PCGF6: variants seen among roughly 807,000 people sequenced by gnomAD.
PCGF6 encodes polycomb group RING finger protein 6.
Under a neutral mutation model 45.5 loss-of-function variants are expected in PCGF6, and 24 were observed. The observed-to-expected ratio is 0.53, with a 90% CI of 0.38 to 0.74. PCGF6 has a LOEUF of 0.74. Ranked by LOEUF, PCGF6 falls within the 30% of genes least tolerant of loss-of-function variation. PCGF6 has a pLI of 0.00. For missense variants in PCGF6, 356 were observed against 443.2 expected (o/e 0.80, Z 1.77); for synonymous variants, 152 against 162.1 (o/e 0.94, Z 0.47).
rs2093318131 is a variant in PCGF6, at chr10:103,350,783, TCTTCTTCCTCCTCCA to T, written c.269_283del (p.Leu90_Glu95delinsGln). The T allele has an allele frequency of 6.4e-7, 1 of 1,562,068 alleles. No individual in the cohort carries two copies. On this transcript the variant is annotated inframe_deletion, in exon 1 of 10. Coordinates refer to ENST00000369847, the MANE Select transcript of PCGF6 (RefSeq NM_001011663.2). Reference sequence around the variant, plus strand: ...GTGACTCATGTCCTCCTCCTCCTCCTCTTCTTCCTCCTCCAGCTCCTCTTCTTCTTCCAACTCCTC... The same window carrying T: ...GTGACTCATGTCCTCCTCCTCCTCCTGCTCCTCTTCTTCTTCCAACTCCTC...
intron 7 of PCGF6, among the ~76,000 whole-genome samples, chr10:103,329,654 G>A (rs2093232626): frequency 6.7e-6 from 1 of 150,194 alleles, no homozygotes; most frequent in Non-Finnish European, 1.5e-5. Flanking sequence ...TGTTTTTTTA[G>A]TAGAGACAGG....
rs2133574579 is a variant in PCGF6, at chr10:103,326,566, T to C, written c.877A>G (p.Arg293Gly). Residue 293 changes from arginine to glycine, a missense_variant, in exon 8 of 10, where the codon AGA (arginine) becomes GGA (glycine). Coordinates refer to ENST00000369847, the MANE Select transcript of PCGF6 (RefSeq NM_001011663.2). ...ATIGHVEKFLRRKMGLDPACQ... is the reference protein window; with the variant it reads ...ATIGHVEKFLGRKMGLDPACQ... ...GCTGGATCAAGACCCATTTTTCTTCTGAGGAATTTTTCTACATGTCCAATA... is the reference window on the plus strand; with the variant it reads ...GCTGGATCAAGACCCATTTTTCTTCCGAGGAATTTTTCTACATGTCCAATA... 2 of 1,612,128 alleles carry C rather than the reference T, an allele frequency of 1.2e-6. No individual in the cohort carries two copies. Among genetic ancestry groups the C allele is most frequent in the Non-Finnish European group, 8.5e-7 (1 of 1,179,650 alleles).
chr10:103,311,847 G>A (rs746258633), intron 9 of PCGF6, among the ~76,000 whole-genome samples: 4 of 151,856 alleles, frequency 2.6e-5, no homozygotes, highest in Non-Finnish European at 4.4e-5. Context: ...CCAGCACTTT[G>A]GGAGGCTGAG....
rs1405037542 is a variant in PCGF6, at chr10:103,316,011, T to TAGAG, written c.910-1740_910-1739insCTCT. On this transcript the variant is annotated intron_variant, in intron 8 of 9. Coordinates refer to ENST00000369847, the MANE Select transcript of PCGF6 (RefSeq NM_001011663.2). Reference sequence around the variant, plus strand: ...GTGTGTGTGTATATATATATATATATATAGAGAGAGAGAGAGAGAGAGAGA... The same window carrying TAGAG: ...GTGTGTGTGTATATATATATATATATAGAGATAGAGAGAGAGAGAGAGAGAGAGA... 5.9e-3 allele frequency among the ~76,000 whole-genome samples: 767 copies of TAGAG among 129,792 alleles called. 2 individuals carry two copies. The highest frequency in any genetic ancestry group is 8.2e-3 in the Non-Finnish European group (511 of 62,546). The allele number at this position is 129,792 out of a possible 152,430, so 85.1% of individuals were successfully genotyped here. A position where few individuals can be genotyped will look rare whatever the true frequency, so the allele number is the denominator to read the frequency against.
intron 8 of PCGF6, among the ~76,000 whole-genome samples, chr10:103,318,181 G>A (rs1002872336): frequency 2.2e-4 from 33 of 147,482 alleles, no homozygotes; most frequent in Non-Finnish European, 4.2e-4. Flanking sequence ...GGTGGCTCAC[G>A]CCTGTAATCC....
chr10:103,347,330 C>T lies in PCGF6; in HGVS notation c.614-33G>A, dbSNP rs201188184. Reference sequence around the variant, plus strand: ...ATGATAAAACACAGACTAAATTACACTTAAAATGTAACTACTAGAGTCAGA... The same window carrying T: ...ATGATAAAACACAGACTAAATTACATTTAAAATGTAACTACTAGAGTCAGA... On this transcript the variant is annotated intron_variant, in intron 4 of 9. Transcript: ENST00000369847. The T allele has an allele frequency of 8.0e-5, 128 of 1,590,434 alleles. No homozygotes were observed. In the African/African-American group the frequency reaches 1.6e-3, roughly 20 times the overall value.
chr10:103,349,053 C>A, intron 1 of PCGF6, 54 bp from the exon 2 acceptor site: 5 of 1,176,800 alleles, frequency 4.2e-6, no homozygotes, highest in Non-Finnish European at 4.7e-6. Flanking sequence ...TTTACAAATT[C>A]TTTTTTTTTT....
At chr10:103,332,898 G>A (rs1390683117) in intron 7 of PCGF6, among the ~76,000 whole-genome samples, 4 of 151,998 alleles carry the variant, frequency 2.6e-5, no homozygotes, top group Admixed American at 6.6e-5. Flanking sequence ...GTGGGTCACC[G>A]GAGGTCAGGA....
Position 103,302,849 on chromosome 10 carries a change from A to C in PCGF6, c.*1056T>G, listed in dbSNP as rs2093124108. The C allele has an allele frequency of 6.6e-6, 1 of 152,182 alleles. No individual in the cohort carries two copies. Among genetic ancestry groups the C allele is most frequent in the Admixed American group, 6.5e-5 (1 of 15,272 alleles). 9.4% of individuals were successfully genotyped at this position (152,182 alleles called of 1,614,324 possible). On this transcript the variant is annotated 3_prime_UTR_variant, in exon 10 of 10. Coordinates refer to ENST00000369847, the MANE Select transcript of PCGF6 (RefSeq NM_001011663.2). The stretch of plus-strand genomic sequence containing the variant: ...TAGAATAAATTTATACACAATTCAC[A>C]AATTCTTTACAAAGAATTGCCAATC...
At chr10:103,333,117 TAAA>T (rs55722610) in intron 7 of PCGF6, among the ~76,000 whole-genome samples, 34 of 130,962 alleles carry the variant, frequency 2.6e-4, no homozygotes, top group Middle Eastern at 3.9e-3. Flanking sequence ...AGACTCCATT[TAAA>T]AAAAAAAAAA....
rs200037917 is a variant in PCGF6, at chr10:103,339,801, CAAA to C, written c.782+5220_782+5222del. ...AACAAAAGCGAAATTCTGTCTGTCTCAAAAAAAAAACACACACACACACACACA... is the reference window on the plus strand; with the variant it reads ...AACAAAAGCGAAATTCTGTCTGTCTCAAAAAAACACACACACACACACACA... On this transcript the variant is annotated intron_variant, in intron 6 of 9. Transcript: ENST00000369847. 5.6e-3 allele frequency among the ~76,000 whole-genome samples: 152 copies of C among 26,908 alleles called. 1 individual carries two copies. Among genetic ancestry groups the C allele is most frequent in the East Asian group, 0.037 (21 of 570 alleles). 17.7% of individuals were successfully genotyped at this position (26,908 alleles called of 152,430 possible). A position where few individuals can be genotyped will look rare whatever the true frequency, so the allele number is the denominator to read the frequency against.
At chr10:103,337,173 T>C (rs2093260186) in intron 6 of PCGF6, among the ~76,000 whole-genome samples, 1 of 152,144 alleles carries the variant, frequency 6.6e-6, no homozygotes, top group Non-Finnish European at 1.5e-5. Context: ...AACACAATAC[T>C]CTTGTTGGAC....
At chr10:103,329,652 T>A (rs1325962171) in intron 7 of PCGF6, among the ~76,000 whole-genome samples, 1 of 151,686 alleles carries the variant, frequency 6.6e-6, no homozygotes, top group Non-Finnish European at 1.5e-5. Context: ...TTTGTTTTTT[T>A]AGTAGAGACA....
intron 1 of PCGF6, among the ~76,000 whole-genome samples, 196 bp from the exon 2 acceptor site, chr10:103,349,195 G>A (rs1592080582): frequency 6.6e-6 from 1 of 151,634 alleles, no homozygotes; most frequent in East Asian, 1.9e-4. Context: ...TTACAGGCGC[G>A]CACAACCACG....
chr10:103,306,093 G>A (rs2093137347), intron 9 of PCGF6, among the ~76,000 whole-genome samples: 3 of 148,998 alleles, frequency 2.0e-5, no homozygotes. Flanking sequence ...GCATCCGCAA[G>A]CAATCCACCT....
chr10:103,324,703 T>C (rs1592063278), intron 8 of PCGF6, among the ~76,000 whole-genome samples: 1 of 124,496 alleles, frequency 8.0e-6, no homozygotes, highest in African/African-American at 3.2e-5. Flanking sequence ...GAGGTTGCAG[T>C]GAGCCGGGAC....
intron 6 of PCGF6, among the ~76,000 whole-genome samples, chr10:103,343,839 A>AAAAAAAAAAG (rs914319584): frequency 2.7e-5 from 4 of 150,030 alleles, no homozygotes; most frequent in African/African-American, 9.7e-5. Flanking sequence ...TCTCAAAAAA[A>AAAAAAAAAAG]AAAAAAAAAA....
chr10:103,334,767 G>GA, intron 6 of PCGF6, among the ~76,000 whole-genome samples: 1 of 152,096 alleles, frequency 6.6e-6, no homozygotes. Flanking sequence ...TTTTTGTTGA[G>GA]AAAGTACTAT....
At chr10:103,312,260 G>A (rs2093160117) in intron 9 of PCGF6, among the ~76,000 whole-genome samples, 2 of 151,582 alleles carry the variant, frequency 1.3e-5, no homozygotes, top group African/African-American at 2.4e-5. Flanking sequence ...AGGCGTGGTG[G>A]CAGGCACCTA....
Sources: allele counts gnomAD v4.1 joint callset (sites outside exome capture counted in the v4.1 genomes callset), GRCh38; gene constraint gnomAD v4.1.1; transcripts MANE v1.5; gene names NCBI Gene and HGNC (gene_info 2026-07-23, HGNC 2026-07-21).